The following TANC2 variants were observed in gnomAD, a reference collection of about 807,000 sequenced individuals.
TANC2 encodes protein TANC2.
TANC2 carries 26 observed loss-of-function variants against 210.5 expected under a neutral mutation model. The ratio of observed to expected loss-of-function variants is 0.12; its 90% CI spans 0.09 to 0.17. The LOEUF (loss-of-function observed/expected upper bound fraction) is 0.17. TANC2 is among the 10% of genes least tolerant of loss of function. The pLI is 1.00. For missense variants in TANC2, 2,129 were observed against 2,608.9 expected, an observed-to-expected ratio of 0.82 and a Z score of 4.01; for synonymous variants, 931 against 967.1, an observed-to-expected ratio of 0.96 and a Z score of 0.69.
At chr17:63,085,717 TATACAC>T (rs1268562700) in intron 3 of TANC2, among the ~76,000 whole-genome samples, 2 of 152,150 alleles carry the variant, frequency 1.3e-5, no homozygotes, top group African/African-American at 2.4e-5. Flanking sequence ...ATATTATACA[TATACAC>T]ATAGCACACA....
chr17:63,160,646 G>A (rs1307125161), intron 5 of TANC2, among the ~76,000 whole-genome samples: 1 of 152,030 alleles, frequency 6.6e-6, no homozygotes, highest in Non-Finnish European at 1.5e-5. Context: ...CATATCTACC[G>A]TTATTTCCTT....
chr17:63,093,658 C>A (rs923377580), intron 3 of TANC2, among the ~76,000 whole-genome samples: 2 of 152,126 alleles, frequency 1.3e-5, no homozygotes, highest in Non-Finnish European at 2.9e-5. Flanking sequence ...AAGTTAACTG[C>A]CTGCTATATT....
intron 2 of TANC2, among the ~76,000 whole-genome samples, chr17:63,056,881 G>A (rs1333290466): frequency 1.3e-5 from 2 of 152,056 alleles, no homozygotes; most frequent in Admixed American, 1.3e-4. Flanking sequence ...GATTTGTTTT[G>A]TATTTATTTT....
intron 2 of TANC2, among the ~76,000 whole-genome samples, chr17:63,022,686 G>T (rs2034399615): frequency 6.6e-6 from 1 of 152,198 alleles, no homozygotes; most frequent in African/African-American, 2.4e-5. Context: ...CTTGGAGGCT[G>T]TACCTCCCAT....
intron 5 of TANC2, among the ~76,000 whole-genome samples, chr17:63,160,971 C>T (rs1462655784): frequency 6.6e-6 from 1 of 152,138 alleles, no homozygotes; most frequent in Admixed American, 6.6e-5. Context: ...ATTTTGTTCA[C>T]ATGTTAACTG....
chr17:63,185,899 T>C (rs1358045037), intron 5 of TANC2, among the ~76,000 whole-genome samples: 1 of 152,200 alleles, frequency 6.6e-6, no homozygotes, highest in Non-Finnish European at 1.5e-5. Flanking sequence ...CCTTTTACCT[T>C]CTTAATGGTG....
At chr17:63,389,423 T>C (rs750956093) in exon 17 of TANC2, 1 of 1,614,034 alleles carries the variant, frequency 6.2e-7, no homozygotes, top group Admixed American at 1.7e-5. Flanking sequence ...ATGGTAGCCC[T>C]GCTGCTGGAG....
intron 3 of TANC2, among the ~76,000 whole-genome samples, chr17:63,086,973 C>G (rs972444430): frequency 2.0e-5 from 3 of 151,874 alleles, no homozygotes; most frequent in African/African-American, 7.3e-5. Flanking sequence ...AAGCTGGCCA[C>G]CCCAGCCTGC....
chr17:63,337,789 T>C (rs1231206642), intron 11 of TANC2, among the ~76,000 whole-genome samples: 1 of 152,160 alleles, frequency 6.6e-6, no homozygotes, highest in East Asian at 1.9e-4. Context: ...CGCCCTCCGG[T>C]AGGCCCCAGT....
chr17:63,040,664 T>G (rs1438250869), intron 2 of TANC2, among the ~76,000 whole-genome samples: 1 of 152,164 alleles, frequency 6.6e-6, no homozygotes, highest in African/African-American at 2.4e-5. Flanking sequence ...TTTGAATATT[T>G]GAGTTGCTGT....
intron 2 of TANC2, among the ~76,000 whole-genome samples, chr17:63,051,075 A>T (rs1383027820): frequency 6.6e-6 from 1 of 152,142 alleles, no homozygotes; most frequent in African/African-American, 2.4e-5. Flanking sequence ...TTTTGAAAAC[A>T]CCTGTCAGAT....
At chr17:63,314,768 A>G in intron 10 of TANC2, 99 bp downstream of exon 10, 1 of 1,434,348 alleles carries the variant, frequency 7.0e-7, no homozygotes, top group Non-Finnish European at 9.4e-7. Context: ...TCTCATCTGC[A>G]AAACCTGACT....
intron 5 of TANC2, among the ~76,000 whole-genome samples, chr17:63,164,323 C>T (rs191058669): frequency 5.9e-5 from 9 of 151,808 alleles, no homozygotes; most frequent in Non-Finnish European, 1.0e-4. Context: ...TAATATGGCA[C>T]CATGAGAGAT....
intron 2 of TANC2, among the ~76,000 whole-genome samples, chr17:63,023,890 TTTG>T (rs142381053): frequency 0.024 from 3,632 of 152,306 alleles, 58 homozygotes; most frequent in Non-Finnish European, 0.038. Flanking sequence ...ACTGACTGGT[TTTG>T]TTTATATTCC....
At chr17:63,062,423 C>T (rs1420102487) in intron 2 of TANC2, among the ~76,000 whole-genome samples, 1 of 152,158 alleles carries the variant, frequency 6.6e-6, no homozygotes, top group African/African-American at 2.4e-5. Context: ...TTCTTTTTAG[C>T]ATGGAGCCGT....
intron 18 of TANC2, among the ~76,000 whole-genome samples, chr17:63,397,321 A>G (rs2048198504): frequency 6.6e-6 from 1 of 152,150 alleles, no homozygotes; most frequent in South Asian, 2.1e-4. Context: ...ACAACTTACA[A>G]ATAATAATGA....
chr17:63,221,578 A>G (rs144823750), intron 7 of TANC2, among the ~76,000 whole-genome samples: 3 of 152,344 alleles, frequency 2.0e-5, no homozygotes, highest in East Asian at 3.9e-4. Flanking sequence ...AAAGGCATAC[A>G]ACTTGAATTT....
intron 9 of TANC2, among the ~76,000 whole-genome samples, chr17:63,281,670 C>G (rs961752193): frequency 1.3e-5 from 2 of 151,978 alleles, no homozygotes; most frequent in Non-Finnish European, 2.9e-5. Context: ...AAATTCAGGT[C>G]CACCCAGAAT....
chr17:63,277,681 A>C (rs2043925131), intron 9 of TANC2, among the ~76,000 whole-genome samples: 1 of 152,086 alleles, frequency 6.6e-6, no homozygotes, highest in Non-Finnish European at 1.5e-5. Context: ...AAGAATAGAC[A>C]CTGCCAGATG....
Sources: gnomAD v4.1 joint callset for allele counts (sites outside exome capture counted in the v4.1 genomes callset) on GRCh38, gnomAD v4.1.1 for gene constraint, MANE v1.5 for transcripts, NCBI Gene and HGNC (gene_info 2026-07-23, HGNC 2026-07-21) for gene names.